IFNA4: variants seen among roughly 807,000 people sequenced by gnomAD.
The protein encoded by IFNA4 is interferon alpha-4.
For synonymous variants in IFNA4, 84 were observed against 86.0 expected, an observed-to-expected ratio of 0.98 and a Z score of 0.13; for missense variants, 225 against 214.9, an observed-to-expected ratio of 1.05 and a Z score of -0.29.
At chr9:21,186,719 T>C in exon 1 of IFNA4, 1 of 268,258 alleles carries the variant, frequency 3.7e-6, no homozygotes, top group East Asian at 8.6e-5. Flanking sequence ...TAAAAAATAA[T>C]TTAAATTTTA....
At chr9:21,186,910 G>A (rs760774548) in exon 1 of IFNA4, 129 of 1,603,192 alleles carry the variant, frequency 8.0e-5, no homozygotes, top group South Asian at 2.4e-4. Flanking sequence ...ACTCATGAAA[G>A]TGTGAGATAA....
chr9:21,187,120 C>G, exon 1 of IFNA4: 1 of 1,614,054 alleles, frequency 6.2e-7, no homozygotes, highest in East Asian at 2.2e-5. Flanking sequence ...AGGATGGAGT[C>G]CTCATTCATC....
exon 1 of IFNA4, chr9:21,187,535 G>A (rs1239173675): frequency 4.4e-6 from 7 of 1,596,470 alleles, no homozygotes; most frequent in Non-Finnish European, 6.0e-6. Flanking sequence ...GGGCCATTGG[G>A]ATGTTGCAAA....
chr9:21,187,584 G>A (rs1413754806), exon 1 of IFNA4: 19 of 1,543,054 alleles, frequency 1.2e-5, no homozygotes, highest in East Asian at 9.0e-5. Context: ...CTTGAACTTC[G>A]GCCTCTAGGT....
In IFNA4 at chr9:21,187,044, G is replaced by T. The variant is rs758933635; in HGVS notation, c.488C>A (p.Ala163Asp). Residue 163 changes from alanine to aspartate, a missense_variant, in exon 1 of 1, where the codon GCC (alanine) becomes GAC (aspartate). Physicochemically the swap from Ala to Asp is moderately radical, Grantham distance 126. Transcript: ENST00000421715. ...GATTTCTGCTCTGACAACCTCCCAG[G>T]CACAAGGGCTGTATTTCTTCTCTGT... is the stretch of plus-strand genomic sequence containing the variant. 3.1e-6 allele frequency: 5 copies of T among 1,614,104 alleles called. No homozygotes were observed. The Admixed American group carries it at 8.3e-5, about 27-fold the overall frequency.
exon 1 of IFNA4, chr9:21,187,502 G>T (rs199712722): frequency 1.2e-6 from 2 of 1,611,604 alleles, no homozygotes; most frequent in African/African-American, 2.7e-5. Context: ...GCACCAGCAC[G>T]GCCATCAGTA....
chr9:21,187,192 G>C (rs1430634898), exon 1 of IFNA4: 1 of 1,612,964 alleles, frequency 6.2e-7, no homozygotes, highest in African/African-American at 1.3e-5. Flanking sequence ...TTCAGTTGCT[G>C]GTAAAGTTCA....
exon 1 of IFNA4, chr9:21,186,743 A>C: frequency 2.6e-6 from 1 of 379,202 alleles, no homozygotes; most frequent in Non-Finnish European, 4.5e-6. Context: ...ATAAATAAAT[A>C]TTTAAATAAA....
chr9:21,187,361 A>C (rs770273418), exon 1 of IFNA4: 3 of 1,614,060 alleles, frequency 1.9e-6, no homozygotes, highest in Non-Finnish European at 2.5e-6. Flanking sequence ...ATCCGAAATC[A>C]TGTCTGTCCT....
chr9:21,187,488 C>G (rs1318918234), exon 1 of IFNA4: 1 of 1,613,220 alleles, frequency 6.2e-7, no homozygotes, highest in Non-Finnish European at 8.5e-7. Context: ...GGATTTGTAG[C>G]TGAGCACCAG....
At position 21,186,733 on chromosome 9, in the gene IFNA4, A is replaced by G. The variant is rs1817906241; in HGVS notation, c.*229T>C. The stretch of plus-strand genomic sequence containing the variant: ...ATAAAAAATAATTTAAATTTTAAAA[A>G]TAAATAAATATTTAAATAAATAGAT... On this transcript the variant is annotated 3_prime_UTR_variant, in exon 1 of 1. Transcript: ENST00000421715. 1.2e-5 allele frequency: 4 copies of G among 327,192 alleles called. No individual in the cohort carries two copies. The Admixed American group carries it at 2.0e-4, about 16-fold the overall frequency. The allele number at this position is 327,192 out of a possible 1,614,324, so 20.3% of individuals were successfully genotyped here.
chr9:21,187,321 A>T (rs1286745166), exon 1 of IFNA4: 3 of 1,613,930 alleles, frequency 1.9e-6, no homozygotes, highest in Non-Finnish European at 2.5e-6. Context: ...GCCTTCTGGA[A>T]CTGGTGGCCA....
At chr9:21,186,840 C>T (rs1817909641) in exon 1 of IFNA4, 5 of 1,520,828 alleles carry the variant, frequency 3.3e-6, no homozygotes, top group Admixed American at 2.1e-5. Context: ...CTGCTGAAAA[C>T]ATTTGAAAAT....
rs549541458 is a variant in IFNA4 at position 21,186,863 on chromosome 9, C to T, written c.*99G>A. On this transcript the variant is annotated 3_prime_UTR_variant, in exon 1 of 1. Transcript: ENST00000421715. ...AACATTTGAAAATTTTGATTCAACT[C>T]GTGGTGGTTATAGAAGTGAGTCTTT... The T allele has an allele frequency of 3.2e-3, 4,994 of 1,566,620 alleles. 17 individuals are homozygous for T. The highest frequency in any genetic ancestry group is 3.6e-3 in the Non-Finnish European group (4,227 of 1,158,892).
exon 1 of IFNA4, chr9:21,187,197 A>C (rs762401825): frequency 6.2e-7 from 1 of 1,612,832 alleles, no homozygotes. Context: ...TTGCTGGTAA[A>C]GTTCAGTGGA....
the IFNA4 span, chr9:21,186,972 CT>C: frequency 1.2e-6 from 2 of 1,613,884 alleles, no homozygotes; most frequent in African/African-American, 2.7e-5. Flanking sequence ...TCAATCCTTC[CT>C]CCTTAATCTT....
chr9:21,187,528 C>A (rs1484875530), exon 1 of IFNA4: 1 of 1,598,568 alleles, frequency 6.3e-7, no homozygotes, highest in East Asian at 2.2e-5. Context: ...AAGGACAGGG[C>A]CATTGGGATG....
exon 1 of IFNA4, chr9:21,186,781 A>G (rs1817908218): frequency 1.4e-6 from 1 of 724,052 alleles, no homozygotes. Context: ...CAGCATTGTC[A>G]TCTGTAAAGG....
exon 1 of IFNA4, chr9:21,187,434 C>T: frequency 1.2e-6 from 2 of 1,614,148 alleles, no homozygotes; most frequent in East Asian, 4.5e-5. Context: ...CCTCCTATTA[C>T]CCAGGCTGTG....
Sources: allele counts gnomAD v4.1 joint callset, GRCh38; gene constraint gnomAD v4.1.1; transcripts MANE v1.5; gene names NCBI Gene and HGNC (gene_info 2026-07-23, HGNC 2026-07-21).